The following ADGRV1 variants were observed in gnomAD, a reference collection of about 807,000 sequenced individuals.
The protein encoded by ADGRV1 is G-protein coupled receptor 98.
In ADGRV1, 359 loss-of-function variants were observed where a neutral mutation model predicts 596.2. The observed-to-expected ratio is 0.60, with a 90% CI of 0.55 to 0.66. The LOEUF (loss-of-function observed/expected upper bound fraction) is 0.66, where lower values mean the gene tolerates loss of function less well. Among genes scored for constraint, ADGRV1 ranks in the 30% least tolerant of loss-of-function variants. ADGRV1 has a pLI of 0.00. For synonymous variants in ADGRV1, 2,681 were observed against 2,679.2 expected, an observed-to-expected ratio of 1.00 and a Z score of -0.02; for missense variants, 7,274 against 7,575.6, an observed-to-expected ratio of 0.96 and a Z score of 1.48.
chr5:90,607,080 G>C (rs544673845), intron 1 of ADGRV1, among the ~76,000 whole-genome samples: 35 of 152,114 alleles, frequency 2.3e-4, no homozygotes, highest in African/African-American at 7.0e-4. Context: ...TACAGAAAAG[G>C]GTTTTCAAAC....
chr5:91,148,202 G>T (rs1454141201), intron 87 of ADGRV1, among the ~76,000 whole-genome samples: 2 of 152,206 alleles, frequency 1.3e-5, no homozygotes, highest in Non-Finnish European at 2.9e-5. Flanking sequence ...GGAGAAATTT[G>T]AGCTGGCTGC....
rs563155609 is a variant in ADGRV1, at chr5:91,051,530, A to G, written c.18153-20917A>G. Among the ~76,000 whole-genome samples, 11 of 142,798 alleles carry G rather than the reference A, an allele frequency of 7.7e-5. No homozygotes were observed. In the East Asian group the frequency reaches 1.6e-3, roughly 21 times the overall value. The allele number at this position is 142,798 out of a possible 152,430, so 93.7% of individuals were successfully genotyped here. On this transcript the variant is annotated intron_variant, in intron 85 of 89. Transcript: ENST00000405460. Reference sequence around the variant, plus strand: ...GGTTAGGGGTATTAAATGCATTTTGACTTAGGATTTTTTTTTTTTTTTTTT... The same window carrying G: ...GGTTAGGGGTATTAAATGCATTTTGGCTTAGGATTTTTTTTTTTTTTTTTT...
At chr5:90,757,820 C>T (rs955154095) in intron 57 of ADGRV1, among the ~76,000 whole-genome samples, 5 of 152,170 alleles carry the variant, frequency 3.3e-5, no homozygotes, top group African/African-American at 1.2e-4. Context: ...GGCATATGAA[C>T]AACCATGAAA....
At chr5:90,755,325 C>T in intron 55 of ADGRV1, 140 bp downstream of exon 55, 1 of 577,798 alleles carries the variant, frequency 1.7e-6, no homozygotes, top group Non-Finnish European at 3.0e-6. Context: ...TCTACTGTTG[C>T]CACCCACCTA....
chr5:90,828,391 C>A (rs1184092028), intron 76 of ADGRV1, among the ~76,000 whole-genome samples: 1 of 152,010 alleles, frequency 6.6e-6, no homozygotes, highest in Admixed American at 6.6e-5. Context: ...CTGCCCTGTC[C>A]CCACCCAAAC....
rs1289768034 is a variant in ADGRV1 at position 90,704,430 on chromosome 5, C to T, written c.8328C>T (p.Asp2776=). 3 of 1,583,408 alleles carry T rather than the reference C, an allele frequency of 1.9e-6. No individual in the cohort carries two copies. Among genetic ancestry groups the T allele is most frequent in the Non-Finnish European group, 2.6e-6 (3 of 1,163,256 alleles). The change falls in exon 36 of 90, where the codon GAC becomes GAT. Residue 2776 remains aspartate (D), a synonymous_variant. Transcript: ENST00000405460. ...CATTGTTTGTGCATTTGTTGGATGA[C>T]AACATTCCTGAGGAGAAAGAAGTAT... ...NTTLFVHLLD[D]NIPEEKEVYQ...
At chr5:90,858,141 A>C (rs1013134443) in intron 82 of ADGRV1, among the ~76,000 whole-genome samples, 4 of 152,222 alleles carry the variant, frequency 2.6e-5, no homozygotes, top group Non-Finnish European at 5.9e-5. Flanking sequence ...TTTGCCAACT[A>C]TCAGAAAATT....
chr5:90,965,555 C>T (rs781061974), intron 84 of ADGRV1, 24 bp downstream of exon 84: 16 of 1,347,698 alleles, frequency 1.2e-5, no homozygotes, highest in East Asian at 1.2e-4. Context: ...TCCCTCTCCC[C>T]GCCCCTTTAA....
intron 87 of ADGRV1, among the ~76,000 whole-genome samples, chr5:91,109,486 A>G (rs767275028): frequency 3.2e-4 from 48 of 152,198 alleles, no homozygotes; most frequent in Non-Finnish European, 3.1e-4. Context: ...TCAAGAGAGA[A>G]GAAAAGTACT....
chr5:90,672,588 A>G lies in ADGRV1; in HGVS notation c.4795A>G (p.Thr1599Ala), dbSNP rs1772637912. ...AACCATTTCTTGTGTGGTTGAGAGA[A>G]CCAGAGGAGCTCTGGATTATGTGCA... ...GSTISCVVERTRGALDYVHVF... is the reference protein window; with the variant it reads ...GSTISCVVERARGALDYVHVF... Residue 1599 changes from threonine (T) to alanine (A), a missense_variant, in exon 22 of 90, where the codon ACC becomes GCC. Thr to Ala is a moderately conservative substitution (Grantham distance 58, BLOSUM62 0). This residue lies in a region of ADGRV1 where 3,643 missense variants were observed against 3,809.2 expected (regional missense o/e 0.96). Coordinates refer to ENST00000405460, the MANE Select transcript of ADGRV1 (RefSeq NM_032119.4). 6.2e-7 allele frequency: 1 copy of G among 1,613,718 alleles called. No individual in the cohort carries two copies. Among genetic ancestry groups the G allele is most frequent in the African/African-American group, 1.3e-5 (1 of 75,054 alleles).
At chr5:90,635,536 G>C (rs1392947353) in intron 10 of ADGRV1, among the ~76,000 whole-genome samples, 6 of 152,004 alleles carry the variant, frequency 3.9e-5, no homozygotes, top group African/African-American at 1.4e-4. Context: ...ATTTTGATGT[G>C]ACAGCTTTCA....
chr5:90,569,372 T>G (rs1756106740), intron 1 of ADGRV1, among the ~76,000 whole-genome samples: 2 of 26,428 alleles, frequency 7.6e-5, no homozygotes, highest in South Asian at 2.7e-3. Context: ...TATATATATA[T>G]ATATATATAT....
chr5:90,841,894 G>C (rs955148157), intron 78 of ADGRV1, among the ~76,000 whole-genome samples: 4 of 152,148 alleles, frequency 2.6e-5, no homozygotes, highest in African/African-American at 9.7e-5. Flanking sequence ...AAGTACAGAG[G>C]TAAAAAGAGC....
At chr5:90,732,326 C>T (rs1001890574) in intron 50 of ADGRV1, among the ~76,000 whole-genome samples, 1 of 152,118 alleles carries the variant, frequency 6.6e-6, no homozygotes, top group Admixed American at 6.5e-5. Context: ...TTTTTTCCAT[C>T]TTTATTAAGG....
chr5:90,822,673 T>C (rs1334813393), intron 75 of ADGRV1, among the ~76,000 whole-genome samples: 5 of 152,196 alleles, frequency 3.3e-5, no homozygotes, highest in African/African-American at 1.2e-4. Flanking sequence ...AAGAAAGTCA[T>C]TGGTAGCTTG....
intron 89 of ADGRV1, among the ~76,000 whole-genome samples, chr5:91,159,501 A>T (rs1257075947): frequency 1.3e-5 from 2 of 152,226 alleles, no homozygotes; most frequent in African/African-American, 2.4e-5. Context: ...TTACATTTTT[A>T]AAAATTTAGA....
chr5:90,754,989 C>T lies in ADGRV1; in HGVS notation c.11384C>T (p.Thr3795Ile), dbSNP rs777494440. The T allele has an allele frequency of 1.2e-6, 2 of 1,610,698 alleles. No individual in the cohort carries two copies. The highest frequency in any genetic ancestry group is 1.3e-5 in the African/African-American group (1 of 74,938). ...TGGCATGTTTCTCTCACAGAAAACA[C>T]CACCACTCTTCAGTTACAAATAGCT... ...FIRVAEPKENTTTLQLQIARD... is the reference protein window; with the variant it reads ...FIRVAEPKENITTLQLQIARD... Residue 3795 changes from threonine to isoleucine, a missense_variant, in exon 55 of 90, where the codon ACC becomes ATC. Coordinates refer to ENST00000405460, the MANE Select transcript of ADGRV1 (RefSeq NM_032119.4).
At position 90,772,212 on chromosome 5, in the gene ADGRV1, A is replaced by G. The variant is rs948876003; in HGVS notation, c.12286-1974A>G. ...CCCTACTCACTAAGGTGTATTTGCAACCTCCAAAGTCGATACTTCTGGTGT... is the reference window on the plus strand; with the variant it reads ...CCCTACTCACTAAGGTGTATTTGCAGCCTCCAAAGTCGATACTTCTGGTGT... On this transcript the variant is annotated intron_variant, in intron 59 of 89. Coordinates refer to ENST00000405460, the MANE Select transcript of ADGRV1 (RefSeq NM_032119.4). Among the ~76,000 whole-genome samples the G allele has an allele frequency of 1.8e-4, 28 of 152,108 alleles. 1 individual carries two copies. Among genetic ancestry groups the G allele is most frequent in the South Asian group, 1.5e-3 (7 of 4,826 alleles).
intron 85 of ADGRV1, among the ~76,000 whole-genome samples, chr5:91,048,603 AAAAT>A (rs1786040693): frequency 6.6e-6 from 1 of 152,220 alleles, no homozygotes; most frequent in South Asian, 2.1e-4. Flanking sequence ...GCATGCCAAA[AAAAT>A]AAATAAATAA....
Sources: allele counts gnomAD v4.1 joint callset (sites outside exome capture counted in the v4.1 genomes callset), GRCh38; gene constraint gnomAD v4.1.1; regional missense constraint gnomAD v4.1.1; transcripts MANE v1.5; gene names NCBI Gene and HGNC (gene_info 2026-07-23, HGNC 2026-07-21).